The following CAST variants were observed in gnomAD, a reference collection of about 807,000 sequenced individuals.
CAST encodes MIR583 host.
Under a neutral mutation model 119.6 loss-of-function variants are expected in CAST, and 76 were observed. The ratio of observed to expected loss-of-function variants is 0.64; its 90% confidence interval spans 0.53 to 0.77. The LOEUF (loss-of-function observed/expected upper bound fraction) is 0.77. CAST is among the 30% of genes least tolerant of loss of function. The pLI, the probability that CAST is intolerant of heterozygous loss-of-function variation, is 0.00. For missense variants in CAST, 953 were observed against 946.5 expected (o/e 1.01, Z -0.09); for synonymous variants, 319 against 331.6 (o/e 0.96, Z 0.41).
intron 1 of CAST, among the ~76,000 whole-genome samples, chr5:96,542,120 C>T (rs1745924088): frequency 1.3e-5 from 2 of 152,060 alleles, no homozygotes; most frequent in African/African-American, 2.4e-5. Flanking sequence ...ACCATCCTGG[C>T]TAACACAGTG....
intron 24 of CAST, among the ~76,000 whole-genome samples, chr5:96,758,772 C>G (rs1414126807): frequency 6.6e-6 from 1 of 152,180 alleles, no homozygotes; most frequent in Non-Finnish European, 1.5e-5. Context: ...CATCCCGTGA[C>G]CTTCCTCTCA....
At chr5:96,704,831 C>T (rs1561493893) in intron 3 of CAST, among the ~76,000 whole-genome samples, 2 of 152,118 alleles carry the variant, frequency 1.3e-5, no homozygotes, top group Non-Finnish European at 2.9e-5. Context: ...AATTTTTTCT[C>T]TATGGACGCT....
the CAST span, chr5:96,433,017 T>C: frequency 6.2e-7 from 1 of 1,614,180 alleles, no homozygotes; most frequent in Non-Finnish European, 8.5e-7. Flanking sequence ...AGCAGTGCAC[T>C]GCAGACTCCA....
the CAST span, among the ~76,000 whole-genome samples, chr5:96,076,121 A>G: frequency 6.6e-6 from 1 of 152,118 alleles, no homozygotes; most frequent in African/African-American, 2.4e-5. Flanking sequence ...TGTTTTCACT[A>G]TGGGCCAGCT....
intron 29 of CAST, chr5:96,769,414 TTTGG>T (rs1771382832): frequency 6.6e-6 from 1 of 151,844 alleles, no homozygotes; most frequent in African/African-American, 2.4e-5. Flanking sequence ...TTTTTTGCCT[TTTGG>T]TACACAAAAG....
the CAST span, among the ~76,000 whole-genome samples, chr5:96,348,327 T>C: frequency 6.6e-6 from 1 of 151,988 alleles, no homozygotes; most frequent in Non-Finnish European, 1.5e-5. Flanking sequence ...GTTTTGTTTT[T>C]AAATTTGGAG....
chr5:96,478,660 A>G, the CAST span, among the ~76,000 whole-genome samples: 1 of 152,250 alleles, frequency 6.6e-6, no homozygotes, highest in Non-Finnish European at 1.5e-5. Flanking sequence ...GGATTAACAT[A>G]AAGTAGAAAG....
the CAST span, among the ~76,000 whole-genome samples, chr5:96,005,570 G>A: frequency 6.6e-6 from 1 of 152,126 alleles, no homozygotes; most frequent in African/African-American, 2.4e-5. Context: ...ATGCAGCAAA[G>A]ACTGATGAAT....
At chr5:96,642,958 A>C (rs1056480223) in intron 1 of CAST, among the ~76,000 whole-genome samples, 2 of 152,120 alleles carry the variant, frequency 1.3e-5, no homozygotes, top group African/African-American at 4.8e-5. Flanking sequence ...TTATTTTCCC[A>C]ATGTTACAGG....
the CAST span, among the ~76,000 whole-genome samples, chr5:96,087,726 C>T: frequency 1.6e-4 from 25 of 152,242 alleles, no homozygotes; most frequent in South Asian, 6.2e-4. Flanking sequence ...ACTGATTTGG[C>T]GGGATTTCAG....
chr5:95,970,942 T>G, the CAST span, among the ~76,000 whole-genome samples: 1 of 152,218 alleles, frequency 6.6e-6, no homozygotes, highest in Non-Finnish European at 1.5e-5. Flanking sequence ...TTGATTTACC[T>G]GCAAAAAGAG....
the CAST span, among the ~76,000 whole-genome samples, chr5:96,314,219 C>G: frequency 1.3e-5 from 2 of 152,298 alleles, no homozygotes; most frequent in African/African-American, 4.8e-5. Context: ...ATTTTCCAAG[C>G]CAGTCTCATG....
At chr5:96,557,265 G>A (rs1425976087) in intron 1 of CAST, among the ~76,000 whole-genome samples, 3 of 152,064 alleles carry the variant, frequency 2.0e-5, no homozygotes, top group Admixed American at 6.6e-5. Context: ...ATGCCAAATT[G>A]TAAAGACTAT....
At chr5:96,681,696 G>A (rs1027544835) in intron 2 of CAST, among the ~76,000 whole-genome samples, 27 of 134,374 alleles carry the variant, frequency 2.0e-4, no homozygotes, top group African/African-American at 7.4e-4. Flanking sequence ...TCCCGCCACT[G>A]CACTCCAGCC....
the CAST span, among the ~76,000 whole-genome samples, chr5:96,366,127 CT>C: frequency 6.6e-6 from 1 of 152,140 alleles, no homozygotes; most frequent in Non-Finnish European, 1.5e-5. Context: ...GTTGAAAATT[CT>C]TTTCTTTAAG....
intron 10 of CAST, 84 bp from the exon 11 acceptor site, chr5:96,737,765 C>T: frequency 4.1e-6 from 3 of 723,336 alleles, no homozygotes; most frequent in South Asian, 4.1e-5. Flanking sequence ...GGTTTTTCTA[C>T]ACAGAATGGC....
intron 2 of CAST, among the ~76,000 whole-genome samples, chr5:96,693,667 T>A (rs562769094): frequency 1.3e-5 from 2 of 152,262 alleles, no homozygotes; most frequent in African/African-American, 2.4e-5. Flanking sequence ...CTTGTCTTTA[T>A]GTCTTACGTC....
the CAST span, among the ~76,000 whole-genome samples, chr5:96,024,473 T>C: frequency 3.9e-5 from 6 of 152,164 alleles, no homozygotes; most frequent in African/African-American, 1.4e-4. Flanking sequence ...TTCCATAGGA[T>C]CCCTTCCTTG....
At chr5:96,489,809 G>A in the CAST span, among the ~76,000 whole-genome samples, 25 of 152,074 alleles carry the variant, frequency 1.6e-4, no homozygotes, top group Non-Finnish European at 3.2e-4. Context: ...GCTATGAGAC[G>A]GCATTCCTGT....
Sources: allele counts gnomAD v4.1 joint callset (sites outside exome capture counted in the v4.1 genomes callset), GRCh38; gene constraint gnomAD v4.1.1; transcripts MANE v1.5; gene names NCBI Gene and HGNC (gene_info 2026-07-23, HGNC 2026-07-21).